The following NEDD9 variants were observed in gnomAD, a reference collection of about 807,000 sequenced individuals.
NEDD9 encodes the protein neural precursor cell expressed, developmentally down-regulated 9.
NEDD9 carries 26 observed loss-of-function variants against 76.6 expected under a neutral mutation model. The ratio of observed to expected loss-of-function variants is 0.34; its 90% CI spans 0.25 to 0.47. The LOEUF is 0.47. Among genes scored for constraint, NEDD9 ranks in the 20% least tolerant of loss-of-function variants. The pLI is 1.00. For synonymous variants in NEDD9, 392 were observed against 414.2 expected, an observed-to-expected ratio of 0.95 and a Z score of 0.65; for missense variants, 937 against 1,058.5, an observed-to-expected ratio of 0.89 and a Z score of 1.59.
At chr6:11,230,530 C>G (rs1759437390) in intron 1 of NEDD9, among the ~76,000 whole-genome samples, 1 of 152,184 alleles carries the variant, frequency 6.6e-6, no homozygotes, top group Non-Finnish European at 1.5e-5. Context: ...TGTGTCTCTC[C>G]TCTACTTACA....
chr6:11,355,871 C>T (rs557712091), intron 1 of NEDD9, among the ~76,000 whole-genome samples: 4 of 151,048 alleles, frequency 2.6e-5, no homozygotes, highest in African/African-American at 4.9e-5. Flanking sequence ...CAGGCACCCG[C>T]CACCACGCCC....
chr6:11,322,134 C>T (rs539390873), intron 2 of NEDD9, among the ~76,000 whole-genome samples: 16 of 152,228 alleles, frequency 1.1e-4, no homozygotes, highest in East Asian at 1.9e-4. Context: ...AATAAGAACA[C>T]GTGAACACAG....
intron 3 of NEDD9, among the ~76,000 whole-genome samples, chr6:11,248,222 A>G (rs1581982107): frequency 6.6e-6 from 1 of 152,186 alleles, no homozygotes; most frequent in East Asian, 1.9e-4. Flanking sequence ...AGATTTGAGA[A>G]GGAAAAAAAA....
intron 1 of NEDD9, among the ~76,000 whole-genome samples, chr6:11,361,797 C>T (rs1762684007): frequency 6.6e-6 from 1 of 152,112 alleles, no homozygotes; most frequent in Non-Finnish European, 1.5e-5. Context: ...CAACATTCAG[C>T]ATCACAATGG....
intron 1 of NEDD9, among the ~76,000 whole-genome samples, chr6:11,222,990 G>A (rs1759191428): frequency 6.6e-6 from 1 of 152,198 alleles, no homozygotes; most frequent in Non-Finnish European, 1.5e-5. Flanking sequence ...AATGTTTAGT[G>A]GCATTTTTTG....
chr6:11,279,336 C>T (rs79658007), intron 3 of NEDD9, among the ~76,000 whole-genome samples: 2,839 of 152,326 alleles, frequency 0.019, 83 homozygotes, highest in African/African-American at 0.065. Flanking sequence ...TCACAGATGA[C>T]ATTTTCATAT....
Position 11,190,395 on chromosome 6 carries a change from C to T in NEDD9, c.1474G>A (p.Val492Ile). 1 of 1,614,198 alleles carries T rather than the reference C, an allele frequency of 6.2e-7. No homozygotes were observed. Among genetic ancestry groups the T allele is most frequent in the African/African-American group, 1.3e-5 (1 of 75,040 alleles). Residue 492 changes from valine (V) to isoleucine (I), a missense_variant, in exon 5 of 7, where the codon GTT (valine) becomes ATT (isoleucine). Transcript: ENST00000379446. The surrounding 1 kb of genome is among the most constrained non-coding windows in gnomAD (Gnocchi z 5.8). ...CTCAGGATCTGGTGGGAGTCTTCAA[C>T]TCGTTGCAGCTCCCGCTTCATCTTG... ...HNKMKRELQR[V>I]EDSHQILSQT...
intron 1 of NEDD9, among the ~76,000 whole-genome samples, chr6:11,351,606 T>G (rs577645814): frequency 1.4e-4 from 22 of 152,272 alleles, no homozygotes; most frequent in South Asian, 1.0e-3. Context: ...ATCCTTTTTC[T>G]GAAGACACAA....
At chr6:11,191,819 C>T (rs990963604) in intron 4 of NEDD9, among the ~76,000 whole-genome samples, 1 of 152,108 alleles carries the variant, frequency 6.6e-6, no homozygotes, top group South Asian at 2.1e-4. Context: ...CAAGCCTGGG[C>T]AACATAGGGA....
At chr6:11,297,657 CT>C (rs1237087574) in intron 3 of NEDD9, among the ~76,000 whole-genome samples, 3 of 152,164 alleles carry the variant, frequency 2.0e-5, no homozygotes, top group African/African-American at 7.2e-5. Context: ...ACTGACTTGA[CT>C]TTTTATGTGC....
At chr6:11,353,459 C>T (rs983159648) in intron 1 of NEDD9, among the ~76,000 whole-genome samples, 2 of 152,190 alleles carry the variant, frequency 1.3e-5, no homozygotes, top group Non-Finnish European at 2.9e-5. Flanking sequence ...CCCAGGAATG[C>T]CCGGGGCTGC....
chr6:11,367,166 C>T (rs1301747629), intron 1 of NEDD9, among the ~76,000 whole-genome samples: 1 of 152,204 alleles, frequency 6.6e-6, no homozygotes, highest in Non-Finnish European at 1.5e-5. Context: ...TTAATCCTTC[C>T]TCCTTGGTTT....
chr6:11,369,027 G>T (rs1378550091), intron 1 of NEDD9, among the ~76,000 whole-genome samples: 1 of 152,198 alleles, frequency 6.6e-6, no homozygotes, highest in African/African-American at 2.4e-5. Context: ...ATGAGAAACA[G>T]AGAAACAGAA....
intron 3 of NEDD9, among the ~76,000 whole-genome samples, chr6:11,268,543 C>G (rs1760242362): frequency 6.6e-6 from 1 of 152,086 alleles, no homozygotes; most frequent in African/African-American, 2.4e-5. Flanking sequence ...GCCTGGCCAC[C>G]ATGGTGAAAC....
chr6:11,326,213 T>C, intron 2 of NEDD9, among the ~76,000 whole-genome samples: 1 of 151,642 alleles, frequency 6.6e-6, no homozygotes, highest in Non-Finnish European at 1.5e-5. Context: ...CCGCTGGACT[T>C]TGTTATCAGA....
intron 2 of NEDD9, among the ~76,000 whole-genome samples, chr6:11,323,357 A>G (rs537904054): frequency 1.1e-4 from 17 of 152,324 alleles, no homozygotes; most frequent in Admixed American, 1.1e-3. Context: ...ACTTTCAGAA[A>G]AGCAGGCACT....
intron 1 of NEDD9, among the ~76,000 whole-genome samples, chr6:11,221,819 G>A (rs756423293): frequency 9.9e-5 from 15 of 152,104 alleles, no homozygotes; most frequent in Non-Finnish European, 1.8e-4. Flanking sequence ...AATCTGACAG[G>A]CACCATATAA....
chr6:11,350,239 C>T (rs1187306330), intron 1 of NEDD9, among the ~76,000 whole-genome samples: 1 of 152,182 alleles, frequency 6.6e-6, no homozygotes, highest in Non-Finnish European at 1.5e-5. Context: ...TACAGGATTT[C>T]AGTCTGACCT....
At chr6:11,268,225 G>C (rs2113337121) in intron 3 of NEDD9, among the ~76,000 whole-genome samples, 1 of 151,998 alleles carries the variant, frequency 6.6e-6, no homozygotes, top group South Asian at 2.1e-4. Flanking sequence ...ATAGAGTCGG[G>C]GTTTCGCCAT....
Sources: allele counts gnomAD v4.1 joint callset (sites outside exome capture counted in the v4.1 genomes callset), GRCh38; gene constraint gnomAD v4.1.1; non-coding constraint Gnocchi (gnomAD v3.1); transcripts MANE v1.5; gene names NCBI Gene and HGNC (gene_info 2026-07-23, HGNC 2026-07-21).